MAPK10: variants seen among roughly 807,000 people sequenced by gnomAD.
The protein encoded by MAPK10 is JNK3 alpha protein kinase.
Under a neutral mutation model 59.3 loss-of-function variants are expected in MAPK10, and 25 were observed. That is an observed-to-expected ratio of 0.42 (90% CI 0.31 to 0.59). The LOEUF (loss-of-function observed/expected upper bound fraction) is 0.59, where lower values mean the gene tolerates loss of function less well. Ranked by LOEUF, MAPK10 falls within the 20% of genes least tolerant of loss-of-function variation. The pLI, the probability that MAPK10 is intolerant of heterozygous loss-of-function variation, is 0.15. For synonymous variants in MAPK10, 190 were observed against 200.5 expected (o/e 0.95, Z 0.44); for missense variants, 351 against 568.9 (o/e 0.62, Z 3.90).
intron 1 of MAPK10, among the ~76,000 whole-genome samples, chr4:86,554,260 A>ATAC (rs1227316898): frequency 1.3e-5 from 2 of 152,094 alleles, no homozygotes; most frequent in Non-Finnish European, 2.9e-5. Context: ...ACATTTTTAG[A>ATAC]TATATTATTT....
chr4:86,240,071 G>A (rs1294630919), intron 2 of MAPK10, among the ~76,000 whole-genome samples: 1 of 152,178 alleles, frequency 6.6e-6, no homozygotes, highest in Admixed American at 6.5e-5. Context: ...TGGTTTCAAA[G>A]AACTTCTTGA....
rs748904359 is a variant in MAPK10 at position 86,182,826 on chromosome 4, G to A, written c.66+11510C>T. 3.3e-5 allele frequency among the ~76,000 whole-genome samples: 5 copies of A among 152,092 alleles called. 1 individual carries two copies. The highest frequency in any genetic ancestry group is 4.2e-4 in the South Asian group (2 of 4,814). ...TGCTATTTCTAGATTTTTTAAAAACGTTATATGCATGCATATTTTCTGTGT... is the reference window on the plus strand; with the variant it reads ...TGCTATTTCTAGATTTTTTAAAAACATTATATGCATGCATATTTTCTGTGT... On this transcript the variant is annotated intron_variant, in intron 3 of 13. Coordinates refer to ENST00000641462, the MANE Select transcript of MAPK10 (RefSeq NM_138982.4).
chr4:86,333,759 C>T (rs2096209389), intron 2 of MAPK10, among the ~76,000 whole-genome samples: 1 of 152,166 alleles, frequency 6.6e-6, no homozygotes, highest in Non-Finnish European at 1.5e-5. Flanking sequence ...CTGGGGCTCA[C>T]ATATTTTTCA....
chr4:86,139,131 C>T (rs1360584632), intron 4 of MAPK10, among the ~76,000 whole-genome samples: 4 of 142,520 alleles, frequency 2.8e-5, no homozygotes, highest in Non-Finnish European at 6.1e-5. Flanking sequence ...AGATTCAATG[C>T]CATCCCCATC....
At chr4:86,538,178 C>T (rs1240927610) in intron 1 of MAPK10, among the ~76,000 whole-genome samples, 4 of 151,190 alleles carry the variant, frequency 2.6e-5, no homozygotes, top group Non-Finnish European at 2.9e-5. Context: ...CGGAGTTTCA[C>T]TCTTGTTGCC....
chr4:86,172,486 A>T (rs2074491769), intron 3 of MAPK10, among the ~76,000 whole-genome samples: 1 of 150,636 alleles, frequency 6.6e-6, no homozygotes, highest in Admixed American at 6.6e-5. Flanking sequence ...AAAAAACCAA[A>T]CACCGCATGT....
At chr4:86,177,391 C>T (rs1288815502) in intron 3 of MAPK10, among the ~76,000 whole-genome samples, 7 of 152,094 alleles carry the variant, frequency 4.6e-5, no homozygotes, top group African/African-American at 1.7e-4. Flanking sequence ...CTTTACTTCT[C>T]ATGTTGGTAT....
chr4:86,550,374 T>TAAAAAAAAAAAAAAAAAAAAA (rs753508493), intron 1 of MAPK10, among the ~76,000 whole-genome samples: 1 of 77,380 alleles, frequency 1.3e-5, no homozygotes, highest in Non-Finnish European at 2.3e-5. Context: ...GAGCTTCAGT[T>TAAAAAAAAAAAAAAAAAAAAA]AAAAAAAAAA....
chr4:86,200,905 T>C (rs915704352), intron 2 of MAPK10, among the ~76,000 whole-genome samples: 1 of 151,916 alleles, frequency 6.6e-6, no homozygotes, highest in Non-Finnish European at 1.5e-5. Flanking sequence ...CAATAAATTA[T>C]TGTCAACTAG....
chr4:86,030,389 G>T (rs1323802138), intron 12 of MAPK10, among the ~76,000 whole-genome samples: 1 of 152,030 alleles, frequency 6.6e-6, no homozygotes, highest in Non-Finnish European at 1.5e-5. Context: ...TGAGTACAAT[G>T]GCACAATCAT....
At chr4:86,584,839 C>T (rs747837646) in intron 1 of MAPK10, among the ~76,000 whole-genome samples, 67 of 152,164 alleles carry the variant, frequency 4.4e-4, no homozygotes, top group Non-Finnish European at 1.5e-4. Flanking sequence ...TACTTTAACT[C>T]TTCACCCAAT....
At chr4:86,505,478 C>G (rs1404492419) in intron 1 of MAPK10, among the ~76,000 whole-genome samples, 1 of 151,958 alleles carries the variant, frequency 6.6e-6, no homozygotes, top group Non-Finnish European at 1.5e-5. Flanking sequence ...CATCTGTAAT[C>G]CCAGCTTATC....
chr4:86,472,334 C>G (rs543606255), intron 1 of MAPK10, among the ~76,000 whole-genome samples: 1 of 151,740 alleles, frequency 6.6e-6, no homozygotes, highest in Non-Finnish European at 1.5e-5. Flanking sequence ...CTTCAAATAC[C>G]GATGTGAATA....
At chr4:86,044,694 G>A (rs1309055616) in intron 11 of MAPK10, 8 of 397,344 alleles carry the variant, frequency 2.0e-5, no homozygotes, top group Non-Finnish European at 3.6e-5. Flanking sequence ...ATAATCAAAT[G>A]CAGTCCGTAG....
chr4:86,333,996 C>T (rs1026421385), intron 2 of MAPK10, among the ~76,000 whole-genome samples: 3 of 152,050 alleles, frequency 2.0e-5, no homozygotes, highest in Non-Finnish European at 4.4e-5. Flanking sequence ...GCCCCATTAT[C>T]CTCCTATTTA....
chr4:86,227,958 C>A (rs1477397174), intron 2 of MAPK10, among the ~76,000 whole-genome samples: 1 of 152,152 alleles, frequency 6.6e-6, no homozygotes, highest in African/African-American at 2.4e-5. Context: ...ACAGTAGACA[C>A]TGCACACCAT....
chr4:86,246,222 G>C (rs1005521476), intron 2 of MAPK10, among the ~76,000 whole-genome samples: 17 of 152,178 alleles, frequency 1.1e-4, no homozygotes, highest in African/African-American at 4.1e-4. Flanking sequence ...ACGAGGTCAG[G>C]AGATCGAGAC....
At chr4:86,120,932 T>A (rs1466727438) in intron 4 of MAPK10, among the ~76,000 whole-genome samples, 2 of 152,178 alleles carry the variant, frequency 1.3e-5, no homozygotes, top group Non-Finnish European at 2.9e-5. Flanking sequence ...TTTCTAACTT[T>A]GCAATAAAAC....
intron 4 of MAPK10, among the ~76,000 whole-genome samples, chr4:86,136,745 G>T (rs2062235067): frequency 6.6e-6 from 1 of 151,492 alleles, no homozygotes; most frequent in Non-Finnish European, 1.5e-5. Context: ...CTGGCAAATT[G>T]GATAAAGAGT....
Sources: allele counts gnomAD v4.1 joint callset (sites outside exome capture counted in the v4.1 genomes callset), GRCh38; gene constraint gnomAD v4.1.1; transcripts MANE v1.5; gene names NCBI Gene and HGNC (gene_info 2026-07-23, HGNC 2026-07-21).